DGKH: variants seen among roughly 807,000 people sequenced by gnomAD.
The protein encoded by DGKH is diacylglycerol kinase eta, also known as DAG kinase eta.
DGKH carries 90 observed loss-of-function variants against 159.3 expected under a neutral mutation model. The observed-to-expected ratio is 0.57, with a 90% confidence interval of 0.48 to 0.67. The LOEUF (loss-of-function observed/expected upper bound fraction) is 0.67, where lower values mean the gene tolerates loss of function less well. Among genes scored for constraint, DGKH ranks in the 30% least tolerant of loss-of-function variants. The pLI is 0.00. For missense variants in DGKH, 1,181 were observed against 1,506.1 expected, an observed-to-expected ratio of 0.78 and a Z score of 3.57; for synonymous variants, 536 against 553.8, an observed-to-expected ratio of 0.97 and a Z score of 0.45.
rs1327875988 is a variant in DGKH, at chr13:42,088,329, A to G, written c.193-39134A>G. Among the ~76,000 whole-genome samples the G allele has an allele frequency of 2.0e-5, 3 of 152,176 alleles. No homozygotes were observed. In the South Asian group the frequency reaches 6.2e-4, roughly 31 times the overall value. ...TGAAAATTTGCAAGTTCAGAGAGGA[A>G]TGAAGAGCACTAGAAATAATTAGAA... On this transcript the variant is annotated intron_variant, in intron 1 of 29. Coordinates refer to ENST00000337343, the MANE Select transcript of DGKH (RefSeq NM_178009.5).
intron 1 of DGKH, among the ~76,000 whole-genome samples, chr13:42,123,291 T>TA (rs898425591): frequency 3.0e-4 from 44 of 149,122 alleles, no homozygotes; most frequent in South Asian, 6.4e-4. Context: ...TCATATTTTC[T>TA]AAAAAAAAAA....
intron 1 of DGKH, among the ~76,000 whole-genome samples, chr13:42,093,781 C>T (rs1218322528): frequency 6.6e-6 from 1 of 152,044 alleles, no homozygotes; most frequent in Non-Finnish European, 1.5e-5. Flanking sequence ...CTGTATGATT[C>T]CACTTATATG....
At position 42,239,220 on chromosome 13, in the gene DGKH, C is replaced by G. The variant is rs141540068; in HGVS notation, c.*10032C>G. On this transcript the variant is annotated 3_prime_UTR_variant, in exon 30 of 30. Coordinates refer to ENST00000337343, the MANE Select transcript of DGKH (RefSeq NM_178009.5). Reference sequence around the variant, plus strand: ...ATGCTCTGTTTACAGATTATAATTGCGCAGCATTTTAAAAAAATATACATA... The same window carrying G: ...ATGCTCTGTTTACAGATTATAATTGGGCAGCATTTTAAAAAAATATACATA... The G allele has an allele frequency of 6.6e-6, 1 of 151,862 alleles. No homozygotes were observed. Among genetic ancestry groups the G allele is most frequent in the Non-Finnish European group, 1.5e-5 (1 of 67,936 alleles). 9.4% of individuals were successfully genotyped at this position (151,862 alleles called of 1,614,324 possible). A position where few individuals can be genotyped will look rare whatever the true frequency, so the allele number is the denominator to read the frequency against.
rs558834369 is a variant in DGKH at position 42,127,442 on chromosome 13, T to G, written c.193-21T>G. On this transcript the variant is annotated intron_variant, in intron 1 of 29. Transcript: ENST00000337343. ...TTGAATTTCATTTTAATCGTGTCAT[T>G]GTGCTTCTGCTTCTCTCTAGACCAG... The G allele has an allele frequency of 5.8e-6, 9 of 1,552,910 alleles. No homozygotes were observed. In the African/African-American group the frequency reaches 1.2e-4, roughly 21 times the overall value.
chr13:42,167,118 CAAAG>C (rs1956333692), intron 9 of DGKH, among the ~76,000 whole-genome samples: 2 of 152,106 alleles, frequency 1.3e-5, no homozygotes, highest in African/African-American at 2.4e-5. Context: ...ACATAAATGA[CAAAG>C]AAATACTTTA....
At position 42,168,423 on chromosome 13, in the gene DGKH, A is replaced by G; in HGVS notation, c.1119-17A>G. 6.2e-7 allele frequency: 1 copy of G among 1,602,458 alleles called. No individual in the cohort carries two copies. Among genetic ancestry groups the G allele is most frequent in the Non-Finnish European group, 8.5e-7 (1 of 1,171,534 alleles). ...TTTTATTTCTTTATACTAAAATAAA[A>G]TCCTTTTTGCTTTCAGTTTAAGATT... On this transcript the variant is annotated splice_polypyrimidine_tract_variant and intron_variant, in intron 9 of 29. Coordinates refer to ENST00000337343, the MANE Select transcript of DGKH (RefSeq NM_178009.5).
At chr13:42,181,739 A>G (rs967319951) in intron 13 of DGKH, 20 of 776,276 alleles carry the variant, frequency 2.6e-5, no homozygotes, top group Non-Finnish European at 3.8e-5. Context: ...CGCCAGCTGC[A>G]GTGGTTGCCA....
At chr13:42,174,174 A>G in intron 12 of DGKH, 30 bp downstream of exon 12, 1 of 1,515,750 alleles carries the variant, frequency 6.6e-7, no homozygotes. Flanking sequence ...CTATCATTTG[A>G]AATGGGGGTG....
At chr13:42,049,042 C>T in intron 1 of DGKH, 77 bp downstream of exon 1, 1 of 953,552 alleles carries the variant, frequency 1.0e-6, no homozygotes, top group Non-Finnish European at 1.2e-6. Flanking sequence ...TGGAACGCGC[C>T]GGGCGATCCC....
At chr13:42,128,747 T>C (rs551943532) in intron 2 of DGKH, among the ~76,000 whole-genome samples, 282 of 152,346 alleles carry the variant, frequency 1.9e-3, no homozygotes, top group African/African-American at 6.3e-3. Flanking sequence ...GTTAGTTGTG[T>C]CTATTTAATC....
At chr13:42,082,050 T>A (rs1954210940) in intron 1 of DGKH, among the ~76,000 whole-genome samples, 1 of 152,156 alleles carries the variant, frequency 6.6e-6, no homozygotes, top group Non-Finnish European at 1.5e-5. Context: ...GCTCTCATTA[T>A]CCTCAATATA....
intron 1 of DGKH, among the ~76,000 whole-genome samples, chr13:42,090,616 A>AG (rs1187186691): frequency 1.3e-5 from 2 of 152,238 alleles, no homozygotes; most frequent in East Asian, 3.8e-4. Flanking sequence ...ATGATTTTCC[A>AG]TGACGATGCT....
At position 42,198,606 on chromosome 13, in the gene DGKH, G is replaced by A. The variant is rs747708097; in HGVS notation, c.2285+11G>A. ...GGATCTAGATTCCGTGTAAGAAAAT[G>A]CTTTTGCAAATATTTTGTTTGGGTT... is the stretch of plus-strand genomic sequence containing the variant. On this transcript the variant is annotated intron_variant, in intron 18 of 29. Transcript: ENST00000337343. 1.3e-6 allele frequency: 2 copies of A among 1,590,916 alleles called. No homozygotes were observed. The highest frequency in any genetic ancestry group is 1.7e-6 in the Non-Finnish European group (2 of 1,170,422).
At chr13:42,116,409 T>C (rs1221112989) in intron 1 of DGKH, among the ~76,000 whole-genome samples, 1 of 152,230 alleles carries the variant, frequency 6.6e-6, no homozygotes, top group Non-Finnish European at 1.5e-5. Flanking sequence ...ATTCCATTCC[T>C]TAGATGAGAA....
intron 7 of DGKH, among the ~76,000 whole-genome samples, chr13:42,164,823 A>G (rs1450957924): frequency 6.6e-6 from 1 of 152,216 alleles, no homozygotes; most frequent in African/African-American, 2.4e-5. Context: ...GGGAAATGTC[A>G]TAAAAGAAAT....
intron 1 of DGKH, among the ~76,000 whole-genome samples, chr13:42,078,712 A>G (rs1445415627): frequency 6.6e-6 from 1 of 152,172 alleles, no homozygotes; most frequent in Non-Finnish European, 1.5e-5. Flanking sequence ...TCCACTTGCC[A>G]GAAATAACTC....
At chr13:42,205,646 G>C (rs912725597) in intron 20 of DGKH, among the ~76,000 whole-genome samples, 1 of 152,096 alleles carries the variant, frequency 6.6e-6, no homozygotes, top group African/African-American at 2.4e-5. Context: ...TGTGAGAGGG[G>C]CTAAGTGAGA....
At chr13:42,074,764 G>A (rs971221394) in intron 1 of DGKH, among the ~76,000 whole-genome samples, 7 of 151,916 alleles carry the variant, frequency 4.6e-5, no homozygotes, top group African/African-American at 1.7e-4. Flanking sequence ...AATGAAACAC[G>A]TCTACATTTT....
intron 14 of DGKH, among the ~76,000 whole-genome samples, chr13:42,188,528 C>T (rs140959215): frequency 0.017 from 2,616 of 152,248 alleles, 29 homozygotes; most frequent in Middle Eastern, 0.088. Context: ...CCATTTATGA[C>T]GCTCAAAATG....
Sources: allele counts gnomAD v4.1 joint callset (sites outside exome capture counted in the v4.1 genomes callset), GRCh38; gene constraint gnomAD v4.1.1; transcripts MANE v1.5; gene names NCBI Gene and HGNC (gene_info 2026-07-23, HGNC 2026-07-21).